SNX14: variants seen among roughly 807,000 people sequenced by gnomAD.
SNX14 encodes sorting nexin-14.
A neutral mutation model predicts 133.8 loss-of-function variants in SNX14; 93 were observed. That is an observed-to-expected ratio of 0.70 (90% CI 0.59 to 0.83). The LOEUF (loss-of-function observed/expected upper bound fraction) is 0.83. Ranked by LOEUF, SNX14 falls within the 40% of genes least tolerant of loss-of-function variation. The pLI is 0.00. For missense variants in SNX14, 945 were observed against 1,094.9 expected (o/e 0.86, Z 1.93); for synonymous variants, 368 against 365.6 (o/e 1.01, Z -0.07).
At chr6:85,512,538 C>T (rs1773301742) in intron 26 of SNX14, among the ~76,000 whole-genome samples, 1 of 151,070 alleles carries the variant, frequency 6.6e-6, no homozygotes, top group Non-Finnish European at 1.5e-5. Flanking sequence ...AGTAGAATTG[C>T]TTGAACCCAG....
At chr6:85,579,617 T>A (rs563418184) in intron 1 of SNX14, among the ~76,000 whole-genome samples, 2 of 152,082 alleles carry the variant, frequency 1.3e-5, no homozygotes, top group Non-Finnish European at 2.9e-5. Flanking sequence ...AACACAGTGA[T>A]TGTGAGAATT....
In SNX14 at chr6:85,543,777, T is replaced by A; in HGVS notation, c.1109-17A>T. The A allele has an allele frequency of 7.0e-7, 1 of 1,432,682 alleles. No individual in the cohort carries two copies. The highest frequency in any genetic ancestry group is 9.3e-7 in the Non-Finnish European group (1 of 1,073,180). The allele number at this position is 1,432,682 out of a possible 1,614,324, so 88.7% of individuals were successfully genotyped here. ...TAAATTCCTCTAACAAATGAGGGAA[T>A]GAATAAGAAAAAATAATTTTAATAT... On this transcript the variant is annotated splice_polypyrimidine_tract_variant and intron_variant, in intron 12 of 28. Transcript: ENST00000314673.
chr6:85,507,979 G>GT lies in SNX14; in HGVS notation c.2733dup (p.Leu912ThrfsTer23), dbSNP rs1365210371. 6.2e-7 allele frequency: 1 copy of GT among 1,613,266 alleles called. No individual in the cohort carries two copies. Among genetic ancestry groups the GT allele is most frequent in the Non-Finnish European group, 8.5e-7 (1 of 1,179,590 alleles). ...TTAATGAGCTTTACCTGCTTGTTGA[G>GT]TACTGGTTGCTGTAAGCCATCAAAC... is the stretch of plus-strand genomic sequence containing the variant. On this transcript the variant is annotated frameshift_variant, in exon 27 of 29. Coordinates refer to ENST00000314673, the MANE Select transcript of SNX14 (RefSeq NM_153816.6). LOFTEE classifies it high-confidence loss of function.
intron 23 of SNX14, among the ~76,000 whole-genome samples, chr6:85,517,200 A>G (rs1208904362): frequency 6.6e-6 from 1 of 152,192 alleles, no homozygotes; most frequent in Non-Finnish European, 1.5e-5. Context: ...TAATAATATT[A>G]AAGATACCAT....
chr6:85,564,540 T>C (rs553678592), intron 6 of SNX14, among the ~76,000 whole-genome samples: 1 of 152,340 alleles, frequency 6.6e-6, no homozygotes, highest in South Asian at 2.1e-4. Flanking sequence ...CTTTTTTCTA[T>C]AGCTGTCTTT....
intron 15 of SNX14, among the ~76,000 whole-genome samples, chr6:85,541,133 C>T (rs1783598575): frequency 6.6e-6 from 1 of 151,914 alleles, no homozygotes; most frequent in Non-Finnish European, 1.5e-5. Flanking sequence ...GCTGGAATTA[C>T]AGGCATGTGC....
At position 85,543,164 on chromosome 6, in the gene SNX14, G is replaced by T; in HGVS notation, c.1389+18C>A. 1 of 1,512,892 alleles carries T rather than the reference G, an allele frequency of 6.6e-7. No homozygotes were observed. Among genetic ancestry groups the T allele is most frequent in the Non-Finnish European group, 8.8e-7 (1 of 1,134,580 alleles). 93.7% of individuals were successfully genotyped at this position (1,512,892 alleles called of 1,614,324 possible). ...TTATGTATAAAAATCCTCAAACAAG[G>T]TTAATATTTTGACTTACCTCATCAC... is the stretch of plus-strand genomic sequence containing the variant. On this transcript the variant is annotated intron_variant, in intron 14 of 28. Coordinates refer to ENST00000314673, the MANE Select transcript of SNX14 (RefSeq NM_153816.6).
intron 13 of SNX14, 46 bp from the exon 14 acceptor site, chr6:85,543,352 A>G (rs746815225): frequency 4.1e-6 from 6 of 1,473,514 alleles, no homozygotes; most frequent in Middle Eastern, 2.2e-4. Flanking sequence ...AATAGCATAA[A>G]TATATACAGT....
At chr6:85,571,090 C>T (rs142318704) in intron 4 of SNX14, among the ~76,000 whole-genome samples, 142 of 152,162 alleles carry the variant, frequency 9.3e-4, no homozygotes, top group African/African-American at 3.4e-3. Flanking sequence ...TGGTGGCTCA[C>T]GCCTGTAAAC....
intron 18 of SNX14, among the ~76,000 whole-genome samples, chr6:85,533,322 A>G (rs1267238222): frequency 2.0e-5 from 3 of 152,268 alleles, no homozygotes; most frequent in African/African-American, 7.2e-5. Flanking sequence ...TGATGGCAAC[A>G]AAACCATTAA....
At chr6:85,511,748 A>G (rs1772895460) in intron 26 of SNX14, among the ~76,000 whole-genome samples, 1 of 152,180 alleles carries the variant, frequency 6.6e-6, no homozygotes, top group African/African-American at 2.4e-5. Flanking sequence ...CCTGGGATAA[A>G]TCCCACTTGG....
intron 26 of SNX14, among the ~76,000 whole-genome samples, chr6:85,511,017 A>G (rs933306008): frequency 2.0e-5 from 3 of 152,164 alleles, no homozygotes; most frequent in African/African-American, 7.2e-5. Flanking sequence ...AGTTCAGAAG[A>G]ACGGACATCT....
intron 21 of SNX14, among the ~76,000 whole-genome samples, chr6:85,525,326 T>C (rs565218167): frequency 9.9e-5 from 15 of 152,168 alleles, no homozygotes; most frequent in Non-Finnish European, 1.5e-4. Flanking sequence ...GGCAATCTAC[T>C]AACTGCAAAA....
In SNX14 at chr6:85,530,273, C is replaced by T; in HGVS notation, c.1813G>A (p.Gly605Arg). 1 of 1,588,244 alleles carries T rather than the reference C, an allele frequency of 6.3e-7. No homozygotes were observed. The change falls in exon 19 of 29, where the codon GGA (glycine) becomes AGA (arginine). Residue 605 changes from glycine to arginine, a missense_variant and splice_region_variant. Transcript: ENST00000314673. ...DVERNDRRAV[G>R]HEPEHWSVYR... ...ACAGACCAATGTTCAGGCTCGTGTC[C>T]AACTGTAAATTGAGTACACACACAC...
chr6:85,543,773 G>A lies in SNX14; in HGVS notation c.1109-13C>T, dbSNP rs760158239. 3.7e-5 allele frequency: 54 copies of A among 1,454,304 alleles called. No individual in the cohort carries two copies. Among genetic ancestry groups the A allele is most frequent in the Non-Finnish European group, 4.5e-5 (49 of 1,088,472 alleles). 90.1% of individuals were successfully genotyped at this position (1,454,304 alleles called of 1,614,324 possible). ...TCATTAAATTCCTCTAACAAATGAG[G>A]GAATGAATAAGAAAAAATAATTTTA... On this transcript the variant is annotated splice_polypyrimidine_tract_variant and intron_variant, in intron 12 of 28. Coordinates refer to ENST00000314673, the MANE Select transcript of SNX14 (RefSeq NM_153816.6).
intron 16 of SNX14, among the ~76,000 whole-genome samples, chr6:85,537,778 G>A (rs905422599): frequency 2.0e-5 from 3 of 152,088 alleles, no homozygotes; most frequent in Non-Finnish European, 2.9e-5. Flanking sequence ...GCGAAACTGC[G>A]TCTGTACTAA....
At chr6:85,539,918 T>C (rs1427856833) in intron 15 of SNX14, among the ~76,000 whole-genome samples, 1 of 149,986 alleles carries the variant, frequency 6.7e-6, no homozygotes, top group Admixed American at 6.7e-5. Flanking sequence ...TGACTTAGAT[T>C]TAACCACGAA....
At chr6:85,552,808 C>T (rs1405690017) in intron 7 of SNX14, among the ~76,000 whole-genome samples, 1 of 152,130 alleles carries the variant, frequency 6.6e-6, no homozygotes, top group Non-Finnish European at 1.5e-5. Flanking sequence ...TCCTGAGGGG[C>T]CTGGAGAGAG....
At chr6:85,563,356 T>C (rs1327708242) in intron 6 of SNX14, among the ~76,000 whole-genome samples, 1 of 152,194 alleles carries the variant, frequency 6.6e-6, no homozygotes, top group East Asian at 1.9e-4. Context: ...TAGGCAATGA[T>C]ACAAATATGC....
Sources: gnomAD v4.1 joint callset for allele counts (sites outside exome capture counted in the v4.1 genomes callset) on GRCh38, gnomAD v4.1.1 for gene constraint, MANE v1.5 for transcripts, NCBI Gene and HGNC (gene_info 2026-07-23, HGNC 2026-07-21) for gene names.